Variants in MCTP1 observed in about 807,000 individuals in gnomAD.
MCTP1 encodes the protein multiple C2 and transmembrane domain containing 1, also known as multiple C2 and transmembrane domain-containing protein 1.
In MCTP1, 69 loss-of-function variants were observed where a neutral mutation model predicts 120.6. The observed-to-expected ratio is 0.57, with a 90% CI of 0.47 to 0.70. MCTP1 has a LOEUF of 0.70. Among genes scored for constraint, MCTP1 ranks in the 30% least tolerant of loss-of-function variants. MCTP1 has a pLI of 0.00. For missense variants in MCTP1, 1,203 were observed against 1,248.8 expected, an observed-to-expected ratio of 0.96 and a Z score of 0.55; for synonymous variants, 529 against 493.1, an observed-to-expected ratio of 1.07 and a Z score of -0.96.
intron 17 of MCTP1, 92 bp downstream of exon 17, chr5:94,868,241 A>T: frequency 7.8e-7 from 1 of 1,277,456 alleles, no homozygotes; most frequent in Non-Finnish European, 1.0e-6. Context: ...AAATGGCCAC[A>T]TCAACATAAC....
At chr5:95,068,908 C>A in intron 1 of MCTP1, 1 of 727,938 alleles carries the variant, frequency 1.4e-6, no homozygotes, top group Non-Finnish European at 1.9e-6. Context: ...TTTTTTATAG[C>A]TAAAAGCGAA....
At chr5:95,258,025 C>T (rs1381444563) in intron 1 of MCTP1, among the ~76,000 whole-genome samples, 2 of 152,178 alleles carry the variant, frequency 1.3e-5, no homozygotes, top group Admixed American at 6.5e-5. Context: ...CAACTCTGTG[C>T]TGAATTCCAA....
At chr5:95,107,193 A>G (rs1313402812) in intron 1 of MCTP1, among the ~76,000 whole-genome samples, 1 of 152,190 alleles carries the variant, frequency 6.6e-6, no homozygotes, top group African/African-American at 2.4e-5. Flanking sequence ...ATTTATTTTG[A>G]TGTCATTAAT....
At chr5:95,087,843 C>G (rs1174959764) in intron 1 of MCTP1, among the ~76,000 whole-genome samples, 1 of 152,092 alleles carries the variant, frequency 6.6e-6, no homozygotes, top group African/African-American at 2.4e-5. Context: ...CTTTCTGACA[C>G]AAATATGGGA....
chr5:94,764,334 A>G (rs1772049830), intron 19 of MCTP1, among the ~76,000 whole-genome samples: 1 of 152,204 alleles, frequency 6.6e-6, no homozygotes, highest in Admixed American at 6.5e-5. Flanking sequence ...ATTGATAAGA[A>G]CCTAATTGAT....
chr5:94,988,953 G>T (rs1031148497), intron 2 of MCTP1, among the ~76,000 whole-genome samples: 1 of 152,140 alleles, frequency 6.6e-6, no homozygotes, highest in Non-Finnish European at 1.5e-5. Context: ...CTGGATGGGG[G>T]AAACCACCCC....
At chr5:95,194,934 G>A (rs906242686) in intron 1 of MCTP1, among the ~76,000 whole-genome samples, 22 of 152,188 alleles carry the variant, frequency 1.4e-4, no homozygotes, top group African/African-American at 5.3e-4. Context: ...TTAAAATTGG[G>A]AGCAGAGACC....
intron 1 of MCTP1, among the ~76,000 whole-genome samples, chr5:95,072,839 G>T (rs183142705): frequency 2.2e-5 from 3 of 137,330 alleles, no homozygotes; most frequent in Non-Finnish European, 4.6e-5. Context: ...TCTGCCTCCC[G>T]GGTTCACGCC....
chr5:94,748,753 C>T (rs1391952211), intron 19 of MCTP1, among the ~76,000 whole-genome samples: 5 of 152,224 alleles, frequency 3.3e-5, no homozygotes, highest in African/African-American at 1.2e-4. Context: ...AAAAGACTTT[C>T]TTGAGCCAGA....
chr5:94,799,414 A>T (rs1040967525), intron 17 of MCTP1, among the ~76,000 whole-genome samples: 2 of 152,166 alleles, frequency 1.3e-5, no homozygotes, highest in Admixed American at 1.3e-4. Flanking sequence ...CTCCAGTGAA[A>T]TTATTGTTAA....
At chr5:94,730,321 A>G (rs925668724) in intron 19 of MCTP1, among the ~76,000 whole-genome samples, 1 of 152,098 alleles carries the variant, frequency 6.6e-6, no homozygotes, top group Non-Finnish European at 1.5e-5. Flanking sequence ...TACTACACTC[A>G]GCTAATTTTT....
At chr5:94,810,182 T>A (rs1453814178) in intron 17 of MCTP1, among the ~76,000 whole-genome samples, 1 of 152,178 alleles carries the variant, frequency 6.6e-6, no homozygotes. Context: ...CTATATATTT[T>A]CTAAGGCATT....
chr5:94,871,808 G>T (rs1261173240), intron 13 of MCTP1, among the ~76,000 whole-genome samples: 2 of 151,932 alleles, frequency 1.3e-5, no homozygotes, highest in African/African-American at 4.8e-5. Context: ...ACACCACCAG[G>T]TTTGATATCA....
intron 17 of MCTP1, among the ~76,000 whole-genome samples, chr5:94,848,083 G>A (rs995943224): frequency 1.3e-5 from 2 of 151,468 alleles, no homozygotes; most frequent in Non-Finnish European, 3.0e-5. Context: ...GTAGCTAATA[G>A]AAAGAACATT....
intron 19 of MCTP1, among the ~76,000 whole-genome samples, chr5:94,746,155 T>C (rs1299275401): frequency 6.6e-6 from 1 of 152,196 alleles, no homozygotes; most frequent in East Asian, 1.9e-4. Context: ...AAACTGAGGA[T>C]TTAGGCAGAA....
At chr5:95,049,173 G>T (rs1363572307) in intron 1 of MCTP1, among the ~76,000 whole-genome samples, 2 of 152,104 alleles carry the variant, frequency 1.3e-5, no homozygotes, top group African/African-American at 4.8e-5. Context: ...AGCCCACAGT[G>T]CTGACTCTAA....
At chr5:95,042,866 A>G (rs962444270) in intron 1 of MCTP1, among the ~76,000 whole-genome samples, 2 of 152,208 alleles carry the variant, frequency 1.3e-5, no homozygotes, top group Admixed American at 1.3e-4. Flanking sequence ...TATATCTACC[A>G]TAATTTATTT....
At chr5:94,931,364 G>A (rs1646192928) in intron 6 of MCTP1, 1 of 152,076 alleles carries the variant, frequency 6.6e-6, no homozygotes, top group Non-Finnish European at 1.5e-5. Context: ...GTCCAACAGT[G>A]GCAGCATCAC....
intron 5 of MCTP1, among the ~76,000 whole-genome samples, chr5:94,939,083 T>G (rs1325464477): frequency 2.0e-5 from 3 of 152,058 alleles, no homozygotes; most frequent in African/African-American, 4.8e-5. Flanking sequence ...TAAACGTATG[T>G]GTTCATCATT....
Sources: gnomAD v4.1 joint callset for allele counts (sites outside exome capture counted in the v4.1 genomes callset) on GRCh38, gnomAD v4.1.1 for gene constraint, MANE v1.5 for transcripts, NCBI Gene and HGNC (gene_info 2026-07-23, HGNC 2026-07-21) for gene names.